CENPP: variants seen among roughly 807,000 people sequenced by gnomAD.
CENPP encodes the protein centromere protein P.
A neutral mutation model predicts 35.6 loss-of-function variants in CENPP; 24 were observed. That is an observed-to-expected ratio of 0.67 (90% CI 0.49 to 0.95). The LOEUF is 0.95. CENPP is among the 40% of genes least tolerant of loss of function. The pLI, the probability that CENPP is intolerant of heterozygous loss-of-function variation, is 0.00. For synonymous variants in CENPP, 120 were observed against 125.5 expected (o/e 0.96, Z 0.29); for missense variants, 332 against 345.3 (o/e 0.96, Z 0.31).
At chr9:92,471,397 A>T (rs1387553106) in intron 5 of CENPP, among the ~76,000 whole-genome samples, 3 of 151,650 alleles carry the variant, frequency 2.0e-5, no homozygotes, top group Admixed American at 2.0e-4. Flanking sequence ...AGGTTTCCCC[A>T]TGTTGGTCAG....
chr9:92,373,011 T>C (rs777452263), intron 4 of CENPP, among the ~76,000 whole-genome samples: 4 of 152,180 alleles, frequency 2.6e-5, no homozygotes, highest in Non-Finnish European at 5.9e-5. Context: ...GAAGTTTTCA[T>C]CTGTTATTTT....
intron 5 of CENPP, among the ~76,000 whole-genome samples, chr9:92,545,622 A>C (rs1381016359): frequency 6.6e-6 from 1 of 152,212 alleles, no homozygotes; most frequent in Non-Finnish European, 1.5e-5. Context: ...CCAAGGGCTG[A>C]GGAGTGCGGG....
intron 5 of CENPP, chr9:92,470,814 GA>G (rs1335002685): frequency 8.2e-7 from 1 of 1,224,416 alleles, no homozygotes; most frequent in African/African-American, 1.6e-5. Context: ...ATATAATAGA[GA>G]ATCATGCTGA....
chr9:92,365,249 T>C (rs1488244697), intron 4 of CENPP, among the ~76,000 whole-genome samples: 1 of 151,994 alleles, frequency 6.6e-6, no homozygotes, highest in Non-Finnish European at 1.5e-5. Flanking sequence ...AAGGTATGCA[T>C]TTTTAAATAG....
intron 5 of CENPP, among the ~76,000 whole-genome samples, chr9:92,534,222 G>T (rs1182412803): frequency 1.3e-5 from 2 of 152,036 alleles, no homozygotes; most frequent in South Asian, 4.1e-4. Context: ...CTGTATATTC[G>T]TGCATTTATT....
chr9:92,572,601 C>A (rs538257121), intron 5 of CENPP, among the ~76,000 whole-genome samples: 89 of 152,148 alleles, frequency 5.8e-4, no homozygotes, highest in Non-Finnish European at 1.2e-3. Flanking sequence ...ATCTTTGTGG[C>A]GTTCTCTGTA....
chr9:92,563,195 T>C (rs755249754), intron 5 of CENPP, among the ~76,000 whole-genome samples: 15 of 152,198 alleles, frequency 9.9e-5, no homozygotes, highest in Non-Finnish European at 2.1e-4. Flanking sequence ...AAGTCTCCAC[T>C]TTTTGGTAGC....
chr9:92,383,872 T>C (rs1266038031), intron 5 of CENPP: 2 of 152,192 alleles, frequency 1.3e-5, no homozygotes, highest in Non-Finnish European at 2.9e-5. Context: ...AAAAATAATA[T>C]AGGAATACAT....
chr9:92,479,678 C>A (rs900478498), intron 5 of CENPP, among the ~76,000 whole-genome samples: 1 of 152,212 alleles, frequency 6.6e-6, no homozygotes, highest in Non-Finnish European at 1.5e-5. Flanking sequence ...AAATTCATTT[C>A]TCTCTGCTAG....
intron 5 of CENPP, among the ~76,000 whole-genome samples, chr9:92,396,530 G>A (rs1270076030): frequency 2.7e-5 from 4 of 150,616 alleles, no homozygotes; most frequent in African/African-American, 4.9e-5. Flanking sequence ...TCTTAGCAGC[G>A]TTATTTAGAT....
rs1276256204 is a variant in CENPP, at chr9:92,533,311, A to C, written c.565-78003A>C. Reference sequence around the variant, plus strand: ...TGAGACTCGGTCTCAAACAAAAAAAAAAAAAAAAAAAAAAAAAATATATAT... The same window carrying C: ...TGAGACTCGGTCTCAAACAAAAAAACAAAAAAAAAAAAAAAAAATATATAT... On this transcript the variant is annotated intron_variant, in intron 5 of 7. Coordinates refer to ENST00000375587, the MANE Select transcript of CENPP (RefSeq NM_001012267.3). Among the ~76,000 whole-genome samples the C allele has an allele frequency of 9.3e-4, 81 of 87,436 alleles. 2 individuals are homozygous for C. The highest frequency in any genetic ancestry group is 2.3e-3 in the South Asian group (5 of 2,138). 57.4% of individuals were successfully genotyped at this position (87,436 alleles called of 152,430 possible).
chr9:92,517,547 G>T, intron 5 of CENPP: 1 of 1,123,830 alleles, frequency 8.9e-7, no homozygotes, highest in Non-Finnish European at 1.3e-6. Flanking sequence ...TATTTTCTAT[G>T]TTAATCAGCA....
intron 5 of CENPP, among the ~76,000 whole-genome samples, chr9:92,474,201 G>C (rs1336123868): frequency 6.6e-6 from 1 of 152,162 alleles, no homozygotes; most frequent in Non-Finnish European, 1.5e-5. Flanking sequence ...ATCTTTAAAA[G>C]GTCTAGATTA....
chr9:92,360,633 T>C (rs1373717111), intron 4 of CENPP, among the ~76,000 whole-genome samples: 1 of 152,222 alleles, frequency 6.6e-6, no homozygotes. Context: ...CTGTCATACA[T>C]ACTTTAAATA....
chr9:92,426,001 A>G (rs1226165940), intron 5 of CENPP, among the ~76,000 whole-genome samples: 2 of 152,214 alleles, frequency 1.3e-5, no homozygotes, highest in African/African-American at 4.8e-5. Context: ...GATATTGATT[A>G]TGTTATTCAT....
chr9:92,351,305 C>A (rs1308793567), intron 4 of CENPP, among the ~76,000 whole-genome samples: 1 of 151,888 alleles, frequency 6.6e-6, no homozygotes. Flanking sequence ...CATGGTGAAA[C>A]CCTGTCTCTA....
At chr9:92,522,678 T>G (rs1848151284) in intron 5 of CENPP, 1 of 1,614,160 alleles carries the variant, frequency 6.2e-7, no homozygotes. Flanking sequence ...GTCTTGCTAC[T>G]GGTGTAAAAA....
At chr9:92,539,998 C>G (rs1243981323) in intron 5 of CENPP, among the ~76,000 whole-genome samples, 2 of 152,198 alleles carry the variant, frequency 1.3e-5, no homozygotes, top group Non-Finnish European at 2.9e-5. Flanking sequence ...GCCCATTTCC[C>G]TGCCACTTTA....
intron 5 of CENPP, among the ~76,000 whole-genome samples, chr9:92,488,262 G>A (rs1032146223): frequency 6.6e-6 from 1 of 152,154 alleles, no homozygotes; most frequent in Non-Finnish European, 1.5e-5. Flanking sequence ...ACCAAATAAA[G>A]GGGGAATAAA....
Sources: gnomAD v4.1 joint callset for allele counts (sites outside exome capture counted in the v4.1 genomes callset) on GRCh38, gnomAD v4.1.1 for gene constraint, MANE v1.5 for transcripts, NCBI Gene and HGNC (gene_info 2026-07-23, HGNC 2026-07-21) for gene names.